GABRB2: variants seen among roughly 807,000 people sequenced by gnomAD.
GABRB2 encodes the protein gamma-aminobutyric acid receptor subunit beta-2.
In GABRB2, 16 loss-of-function variants were observed where a neutral mutation model predicts 54.7. The ratio of observed to expected loss-of-function variants is 0.29; its 90% CI spans 0.20 to 0.44. The LOEUF (loss-of-function observed/expected upper bound fraction) is 0.44, where lower values mean the gene tolerates loss of function less well. GABRB2 is among the 20% of genes least tolerant of loss of function. The pLI is 1.00. For missense variants in GABRB2, 355 were observed against 644.0 expected, an observed-to-expected ratio of 0.55 and a Z score of 4.86; for synonymous variants, 244 against 233.8, an observed-to-expected ratio of 1.04 and a Z score of -0.40.
intron 5 of GABRB2, among the ~76,000 whole-genome samples, chr5:161,362,243 T>G (rs915993994): frequency 1.3e-5 from 2 of 152,192 alleles, no homozygotes; most frequent in African/African-American, 4.8e-5. Flanking sequence ...TGTTTAGGAT[T>G]GTCTTGGCTA....
intron 5 of GABRB2, among the ~76,000 whole-genome samples, chr5:161,364,747 A>G (rs1471735708): frequency 6.6e-6 from 1 of 152,178 alleles, no homozygotes; most frequent in Non-Finnish European, 1.5e-5. Context: ...CTAAAGAAGT[A>G]CCATTCTAGT....
intron 5 of GABRB2, among the ~76,000 whole-genome samples, chr5:161,359,061 A>G (rs1429780333): frequency 6.6e-6 from 1 of 152,010 alleles, no homozygotes. Context: ...TTTTATTTTG[A>G]TGTCTTAGTG....
At chr5:161,532,745 A>T (rs1026470311) in intron 3 of GABRB2, among the ~76,000 whole-genome samples, 8 of 152,128 alleles carry the variant, frequency 5.3e-5, no homozygotes, top group African/African-American at 1.7e-4. Context: ...TCTTTCTTCT[A>T]CACAGCTTAA....
At chr5:161,544,082 T>G (rs1379111432) in intron 3 of GABRB2, among the ~76,000 whole-genome samples, 1 of 152,216 alleles carries the variant, frequency 6.6e-6, no homozygotes, top group Non-Finnish European at 1.5e-5. Flanking sequence ...TTACTGAGCT[T>G]CTTCTTGTTT....
At chr5:161,347,541 C>T (rs1400040198) in intron 5 of GABRB2, among the ~76,000 whole-genome samples, 1 of 152,058 alleles carries the variant, frequency 6.6e-6, no homozygotes, top group Admixed American at 6.6e-5. Flanking sequence ...TATCCTTGGG[C>T]CAGGTCTAAA....
chr5:161,390,438 A>G (rs1169492852), intron 5 of GABRB2, among the ~76,000 whole-genome samples: 2 of 152,050 alleles, frequency 1.3e-5, no homozygotes, highest in African/African-American at 4.8e-5. Context: ...CTAACTAGGC[A>G]TGATAACTAA....
intron 3 of GABRB2, among the ~76,000 whole-genome samples, chr5:161,478,412 T>A (rs2964774): frequency 0.99 from 151,191 of 152,188 alleles, 75,110 homozygotes; most frequent in East Asian, 1. Flanking sequence ...AAATCTGATG[T>A]TGGTCATGAA....
chr5:161,290,296 T>C lies in GABRB2; in HGVS notation c.*3785A>G, dbSNP rs1337129242. The C allele has an allele frequency of 6.6e-6, 1 of 152,530 alleles. No homozygotes were observed. Among genetic ancestry groups the C allele is most frequent in the East Asian group, 1.9e-4 (1 of 5,192 alleles). The allele number at this position is 152,530 out of a possible 1,614,324, so 9.4% of individuals were successfully genotyped here. A position where few individuals can be genotyped will look rare whatever the true frequency, so the allele number is the denominator to read the frequency against. ...GAGGAATTTTTATCATTTTTCATTTTCTTAAGACATGTTTGTTTTTGACTC... is the reference window on the plus strand; with the variant it reads ...GAGGAATTTTTATCATTTTTCATTTCCTTAAGACATGTTTGTTTTTGACTC... On this transcript the variant is annotated 3_prime_UTR_variant, in exon 10 of 10. Transcript: ENST00000393959.
chr5:161,449,667 A>G (rs533802293), intron 4 of GABRB2, among the ~76,000 whole-genome samples: 1 of 152,296 alleles, frequency 6.6e-6, no homozygotes, highest in South Asian at 2.1e-4. Flanking sequence ...ATGTAAGACA[A>G]ATGAAAAAAC....
chr5:161,379,371 TGTGTGA>T (rs1462612877), intron 5 of GABRB2, among the ~76,000 whole-genome samples: 1 of 152,134 alleles, frequency 6.6e-6, no homozygotes, highest in Non-Finnish European at 1.5e-5. Flanking sequence ...CTACAGGATG[TGTGTGA>T]GTGTATGTGT....
At chr5:161,449,544 G>C (rs1367770998) in intron 4 of GABRB2, among the ~76,000 whole-genome samples, 1 of 152,134 alleles carries the variant, frequency 6.6e-6, no homozygotes, top group Non-Finnish European at 1.5e-5. Context: ...TGATGCAAAA[G>C]TTACTCCAAA....
chr5:161,444,793 T>G (rs1389743323), intron 4 of GABRB2, among the ~76,000 whole-genome samples: 1 of 152,158 alleles, frequency 6.6e-6, no homozygotes, highest in Non-Finnish European at 1.5e-5. Context: ...CATTTAAACA[T>G]AATAGTCTTT....
intron 5 of GABRB2, among the ~76,000 whole-genome samples, chr5:161,362,063 T>C (rs1754829486): frequency 6.6e-6 from 1 of 152,180 alleles, no homozygotes; most frequent in Non-Finnish European, 1.5e-5. Context: ...TTTTGTCAGG[T>C]TTGTCAAAGA....
intron 5 of GABRB2, among the ~76,000 whole-genome samples, chr5:161,383,345 G>A (rs1302995155): frequency 6.6e-6 from 1 of 151,714 alleles, no homozygotes; most frequent in South Asian, 2.1e-4. Flanking sequence ...ACATATTAAT[G>A]CAATCATGTG....
chr5:161,316,311 A>G (rs1758026207), intron 9 of GABRB2, among the ~76,000 whole-genome samples: 2 of 152,144 alleles, frequency 1.3e-5, no homozygotes. Flanking sequence ...GAAGACCCAT[A>G]TCTGCAGAGC....
At chr5:161,385,589 C>T (rs1755600592) in intron 5 of GABRB2, among the ~76,000 whole-genome samples, 2 of 152,250 alleles carry the variant, frequency 1.3e-5, no homozygotes, top group Admixed American at 1.3e-4. Context: ...TCACTATATT[C>T]ATAAAATCTG....
In GABRB2 at chr5:161,294,433, A is replaced by T. The variant is rs1757325660; in HGVS notation, c.1192-5T>A. 6.2e-7 allele frequency: 1 copy of T among 1,606,938 alleles called. No homozygotes were observed. On this transcript the variant is annotated splice_region_variant and splice_polypyrimidine_tract_variant and intron_variant, in intron 9 of 9. Coordinates refer to ENST00000393959, the MANE Select transcript of GABRB2 (RefSeq NM_001371727.1). ...GATGTTCTCATGGGGGTCCATCTGCAAGGGAAGAGAATCAAAAAGACAATC... is the reference window on the plus strand; with the variant it reads ...GATGTTCTCATGGGGGTCCATCTGCTAGGGAAGAGAATCAAAAAGACAATC...
intron 3 of GABRB2, among the ~76,000 whole-genome samples, chr5:161,526,476 T>C (rs1465181879): frequency 2.0e-5 from 3 of 151,172 alleles, no homozygotes; most frequent in African/African-American, 7.3e-5. Flanking sequence ...AGATCTCTTA[T>C]TTGTAATGAT....
At chr5:161,507,239 C>T (rs1051671084) in intron 3 of GABRB2, among the ~76,000 whole-genome samples, 2 of 151,706 alleles carry the variant, frequency 1.3e-5, no homozygotes, top group Non-Finnish European at 2.9e-5. Context: ...GGATTGGATC[C>T]TGGAACAGAA....
Sources: gnomAD v4.1 joint callset for allele counts (sites outside exome capture counted in the v4.1 genomes callset) on GRCh38, gnomAD v4.1.1 for gene constraint, MANE v1.5 for transcripts, NCBI Gene and HGNC (gene_info 2026-07-23, HGNC 2026-07-21) for gene names.